Variants in SMARCA2 observed in about 807,000 individuals in gnomAD.
SMARCA2 encodes SWI/SNF related BAF chromatin remodeling complex subunit ATPase 2.
Under a neutral mutation model 199.8 loss-of-function variants are expected in SMARCA2, and 61 were observed. That is an observed-to-expected ratio of 0.31 (90% confidence interval 0.25 to 0.38). The LOEUF (loss-of-function observed/expected upper bound fraction) is 0.38. Among genes scored for constraint, SMARCA2 ranks in the 10% least tolerant of loss-of-function variants. The probability of loss-of-function intolerance (pLI) is 1.00; values close to 1 mark genes in which losing one functional copy is unlikely to be tolerated. For synonymous variants in SMARCA2, 935 were observed against 732.0 expected (o/e 1.28, Z -4.48); for missense variants, 1,344 against 2,012.2 (o/e 0.67, Z 6.35).
intron 2 of SMARCA2, among the ~76,000 whole-genome samples, chr9:2,030,621 A>G (rs570390305): frequency 6.9e-6 from 1 of 145,736 alleles, no homozygotes; most frequent in South Asian, 2.2e-4. Flanking sequence ...AGGCAATCTG[A>G]TTTATTCAGT....
chr9:2,066,300 A>G (rs1332558486), intron 9 of SMARCA2, among the ~76,000 whole-genome samples: 3 of 152,258 alleles, frequency 2.0e-5, no homozygotes, highest in Non-Finnish European at 4.4e-5. Context: ...TAATCTAAAT[A>G]AAATGGCCTA....
chr9:2,182,589 G>A (rs943836167), intron 31 of SMARCA2, among the ~76,000 whole-genome samples: 1 of 144,932 alleles, frequency 6.9e-6, no homozygotes, highest in Non-Finnish European at 1.5e-5. Flanking sequence ...CGCCTCCCAG[G>A]TTCAAGCCAT....
Position 2,017,095 on chromosome 9 carries a change from A to C in SMARCA2, c.-37+1691A>C, listed in dbSNP as rs2130106935. The C allele has an allele frequency of 6.6e-6, 1 of 152,312 alleles. No homozygotes were observed. Among genetic ancestry groups the C allele is most frequent in the Middle Eastern group, 3.4e-3 (1 of 296 alleles). The allele number at this position is 152,312 out of a possible 1,614,324, so 9.4% of individuals were successfully genotyped here. A position where few individuals can be genotyped will look rare whatever the true frequency, so the allele number is the denominator to read the frequency against. ...CGGGGCACTTGGGCCGGTTTCCGGT[A>C]CACGCGGGGAAATCGCCTCCTGCCA... On this transcript the variant is annotated intron_variant, in intron 1 of 33. Coordinates refer to ENST00000349721, the MANE Select transcript of SMARCA2 (RefSeq NM_003070.5). This position sits in a 1 kb window ranked among gnomAD's most constrained non-coding sequence, Gnocchi z 8.8.
chr9:2,055,062 C>T (rs980118097), intron 6 of SMARCA2, among the ~76,000 whole-genome samples: 20 of 152,134 alleles, frequency 1.3e-4, no homozygotes, highest in Non-Finnish European at 2.9e-4. Context: ...AAGGAAAAAC[C>T]AGAAGGTAGT....
chr9:2,163,304 C>A (rs1825776960), intron 28 of SMARCA2, among the ~76,000 whole-genome samples: 1 of 152,202 alleles, frequency 6.6e-6, no homozygotes, highest in South Asian at 2.1e-4. Flanking sequence ...AGTTCATCCC[C>A]TTTAAGGCTT....
intron 29 of SMARCA2, among the ~76,000 whole-genome samples, chr9:2,179,377 T>C (rs1826850127): frequency 6.6e-6 from 1 of 152,226 alleles, no homozygotes; most frequent in Non-Finnish European, 1.5e-5. Context: ...TCCTTTATTC[T>C]TAGGAGAGGA....
chr9:2,028,039 A>G (rs141284798), intron 1 of SMARCA2, among the ~76,000 whole-genome samples: 3 of 152,310 alleles, frequency 2.0e-5, no homozygotes, highest in South Asian at 2.1e-4. Context: ...GAAGCCTTGG[A>G]GTGTGGGTGG....
chr9:2,055,984 A>G (rs1586655174), intron 6 of SMARCA2, among the ~76,000 whole-genome samples: 1 of 152,326 alleles, frequency 6.6e-6, no homozygotes, highest in East Asian at 1.9e-4. Context: ...GTAACTAATG[A>G]TATTTCAGAT....
chr9:2,179,031 G>T (rs1329735901), intron 29 of SMARCA2, among the ~76,000 whole-genome samples: 1 of 152,192 alleles, frequency 6.6e-6, no homozygotes, highest in Non-Finnish European at 1.5e-5. Context: ...CCATTTTTCT[G>T]GACAATGGGT....
intron 10 of SMARCA2, among the ~76,000 whole-genome samples, chr9:2,071,869 A>G (rs1487324577): frequency 6.6e-6 from 1 of 152,194 alleles, no homozygotes. Context: ...GACCTTTTAC[A>G]TTAATGAGGA....
In SMARCA2 at chr9:2,096,484, A is replaced by G. The variant is rs190952358; in HGVS notation, c.2884-173A>G. On this transcript the variant is annotated intron_variant, in intron 19 of 33. Transcript: ENST00000349721. Reference sequence around the variant, plus strand: ...CCCCATCATAATGGTACCTTGAACAATGATGACTCTGGTCTCTTCTAACAC... The same window carrying G: ...CCCCATCATAATGGTACCTTGAACAGTGATGACTCTGGTCTCTTCTAACAC... 299 of 548,324 alleles carry G rather than the reference A, an allele frequency of 5.5e-4. 1 individual carries two copies. Among genetic ancestry groups the G allele is most frequent in the Non-Finnish European group, 3.3e-4 (102 of 304,950 alleles). 34.0% of individuals were successfully genotyped at this position (548,324 alleles called of 1,614,324 possible). A position where few individuals can be genotyped will look rare whatever the true frequency, so the allele number is the denominator to read the frequency against.
chr9:2,127,981 AT>A (rs1823770968), intron 27 of SMARCA2, among the ~76,000 whole-genome samples: 1 of 151,766 alleles, frequency 6.6e-6, no homozygotes. Flanking sequence ...TTTTAAAGGT[AT>A]TTTACATTGT....
At chr9:2,022,943 A>G (rs895084052) in intron 1 of SMARCA2, among the ~76,000 whole-genome samples, 1 of 152,210 alleles carries the variant, frequency 6.6e-6, no homozygotes, top group Non-Finnish European at 1.5e-5. Flanking sequence ...GATTACCTTT[A>G]TAACTACTAA....
intron 27 of SMARCA2, among the ~76,000 whole-genome samples, chr9:2,131,954 GA>G (rs991619040): frequency 2.3e-4 from 33 of 145,608 alleles, no homozygotes; most frequent in African/African-American, 7.2e-4. Context: ...AAAAAAAAAG[GA>G]AAAAAAAATG....
intron 25 of SMARCA2, among the ~76,000 whole-genome samples, chr9:2,116,518 G>A (rs747109148): frequency 2.6e-5 from 4 of 152,150 alleles, no homozygotes; most frequent in Non-Finnish European, 4.4e-5. Flanking sequence ...GCCATCTTCC[G>A]CACATTTAGC....
At chr9:2,078,357 G>A (rs1821416680) in intron 14 of SMARCA2, among the ~76,000 whole-genome samples, 2 of 151,470 alleles carry the variant, frequency 1.3e-5, no homozygotes, top group Admixed American at 6.6e-5. Flanking sequence ...CTGTAATCCC[G>A]GCTACTCTGG....
chr9:2,153,323 G>A (rs530096453), intron 27 of SMARCA2, among the ~76,000 whole-genome samples: 6 of 152,254 alleles, frequency 3.9e-5, no homozygotes, highest in Admixed American at 2.0e-4. Context: ...GATCGCTTGC[G>A]CCCAGGAGTT....
chr9:2,122,418 T>C (rs893654207), intron 26 of SMARCA2, among the ~76,000 whole-genome samples: 2 of 152,168 alleles, frequency 1.3e-5, no homozygotes, highest in Non-Finnish European at 2.9e-5. Flanking sequence ...GCAACCTCTG[T>C]GTGCCAGTTA....
At position 2,104,250 on chromosome 9, in the gene SMARCA2, A is replaced by G. The variant is rs1348120935; in HGVS notation, c.3292+81A>G. 3 of 1,271,970 alleles carry G rather than the reference A, an allele frequency of 2.4e-6. No individual in the cohort carries two copies. In the South Asian group the frequency reaches 4.3e-5, roughly 18 times the overall value. The allele number at this position is 1,271,970 out of a possible 1,614,324, so 78.8% of individuals were successfully genotyped here. ...TGGGCACTTAGGTCCAATCTCAGCC[A>G]AAAAGAAGGGGTAAAATTGAAGAAT... On this transcript the variant is annotated intron_variant, in intron 23 of 33. Coordinates refer to ENST00000349721, the MANE Select transcript of SMARCA2 (RefSeq NM_003070.5). The surrounding 1 kb of genome is among the most constrained non-coding windows in gnomAD (Gnocchi z 4.0).
Sources: allele counts gnomAD v4.1 joint callset (sites outside exome capture counted in the v4.1 genomes callset), GRCh38; gene constraint gnomAD v4.1.1; non-coding constraint Gnocchi (gnomAD v3.1); transcripts MANE v1.5; gene names NCBI Gene and HGNC (gene_info 2026-07-23, HGNC 2026-07-21).